APLF: variants seen among roughly 807,000 people sequenced by gnomAD.
APLF encodes the protein aprataxin and PNK-like factor.
APLF carries 61 observed loss-of-function variants against 55.6 expected under a neutral mutation model. That is an observed-to-expected ratio of 1.10 (90% CI 0.89 to 1.36). APLF has a LOEUF of 1.36. APLF is among the 40% of genes most tolerant of loss of function. The pLI is 0.00. For synonymous variants in APLF, 207 were observed against 214.8 expected (o/e 0.96, Z 0.32); for missense variants, 611 against 602.5 (o/e 1.01, Z -0.15).
In APLF at chr2:68,545,313, G is replaced by A. The variant is rs780241325; in HGVS notation, c.1286+1G>A. Reference sequence around the variant, plus strand: ...GTCCCTATGGACCATCCTGTTATAGGTATAGAAACTGAATGTTTGGCTGCA... The same window carrying A: ...GTCCCTATGGACCATCCTGTTATAGATATAGAAACTGAATGTTTGGCTGCA... On this transcript the variant is annotated splice_donor_variant, in intron 8 of 9. Transcript: ENST00000303795. LOFTEE classifies it high-confidence loss of function. 5.6e-6 allele frequency: 9 copies of A among 1,608,788 alleles called. No homozygotes were observed. In the East Asian group the frequency reaches 1.8e-4, roughly 32 times the overall value.
chr2:68,481,551 CTT>C (rs1675958067), intron 1 of APLF, among the ~76,000 whole-genome samples: 1 of 152,032 alleles, frequency 6.6e-6, no homozygotes, highest in African/African-American at 2.4e-5. Flanking sequence ...TTGTCTTTGA[CTT>C]TTGAAAATTT....
chr2:68,527,244 C>T (rs1193774669), intron 6 of APLF, among the ~76,000 whole-genome samples: 5 of 149,002 alleles, frequency 3.4e-5, no homozygotes, highest in African/African-American at 9.9e-5. Context: ...CTTCTCATTT[C>T]CCAGACGGTG....
At chr2:68,543,727 A>T (rs1056784785) in intron 7 of APLF, among the ~76,000 whole-genome samples, 3 of 152,168 alleles carry the variant, frequency 2.0e-5, no homozygotes, top group Admixed American at 6.5e-5. Flanking sequence ...TTATAATACC[A>T]TCATCAAATG....
chr2:68,476,223 C>T (rs1321559831), intron 1 of APLF, among the ~76,000 whole-genome samples: 4 of 151,936 alleles, frequency 2.6e-5, no homozygotes, highest in Admixed American at 6.6e-5. Context: ...GTAGGACTTT[C>T]GCCTGTAATC....
chr2:68,499,515 G>C (rs142461871), intron 2 of APLF, among the ~76,000 whole-genome samples: 1 of 152,138 alleles, frequency 6.6e-6, no homozygotes, highest in African/African-American at 2.4e-5. Context: ...AAATATTACA[G>C]GTCCAATTCA....
intron 6 of APLF, chr2:68,535,330 A>G (rs759979459): frequency 1.1e-4 from 49 of 437,006 alleles, no homozygotes; most frequent in Middle Eastern, 3.3e-4. Flanking sequence ...GAAGTAAATA[A>G]TGAAAACCTC....
rs1573225867 is a variant in APLF, at chr2:68,529,263, G to A, written c.804+3021G>A. 2 of 1,321,528 alleles carry A rather than the reference G, an allele frequency of 1.5e-6. No individual in the cohort carries two copies. Among genetic ancestry groups the A allele is most frequent in the Non-Finnish European group, 2.0e-6 (2 of 1,003,398 alleles). The allele number at this position is 1,321,528 out of a possible 1,614,324, so 81.9% of individuals were successfully genotyped here. Reference sequence around the variant, plus strand: ...ATAAGGGTGCCGTCCCACCTGCCTGGAAAAGAAGGCCCAAGATGTCGCTGA... The same window carrying A: ...ATAAGGGTGCCGTCCCACCTGCCTGAAAAAGAAGGCCCAAGATGTCGCTGA... On this transcript the variant is annotated intron_variant, in intron 6 of 9. Transcript: ENST00000303795. This position sits in a 1 kb window ranked among gnomAD's most constrained non-coding sequence, Gnocchi z 4.4.
At chr2:68,508,801 C>T (rs1278595871) in intron 3 of APLF, among the ~76,000 whole-genome samples, 2 of 152,066 alleles carry the variant, frequency 1.3e-5, no homozygotes, top group African/African-American at 2.4e-5. Flanking sequence ...GGAGGCATCA[C>T]TCTACCTGAC....
intron 8 of APLF, among the ~76,000 whole-genome samples, chr2:68,548,164 G>T (rs544075257): frequency 4.0e-5 from 6 of 151,494 alleles, no homozygotes; most frequent in East Asian, 1.9e-4. Context: ...TAAATATAAG[G>T]GAATTGTTTC....
At chr2:68,557,497 A>G (rs149742844) in intron 8 of APLF, among the ~76,000 whole-genome samples, 17 of 152,374 alleles carry the variant, frequency 1.1e-4, no homozygotes, top group African/African-American at 3.8e-4. Context: ...GTTGTTTAGT[A>G]TAAATCCAGA....
At chr2:68,509,661 G>C (rs187836199) in intron 3 of APLF, among the ~76,000 whole-genome samples, 8 of 152,082 alleles carry the variant, frequency 5.3e-5, no homozygotes, top group East Asian at 1.9e-4. Context: ...ACAATGTGGC[G>C]ATTCCTCAGG....
Position 68,578,163 on chromosome 2 carries a change from T to C in APLF, c.*141T>C. 2 of 1,420,028 alleles carry C rather than the reference T, an allele frequency of 1.4e-6. No homozygotes were observed. The highest frequency in any genetic ancestry group is 1.8e-6 in the Non-Finnish European group (2 of 1,090,198). 88.0% of individuals were successfully genotyped at this position (1,420,028 alleles called of 1,614,324 possible). ...ACTTTTACTACTGACTCTTTACAAA[T>C]GAGACATTGAAACGTCAGCCTTCAG... is the stretch of plus-strand genomic sequence containing the variant. On this transcript the variant is annotated 3_prime_UTR_variant, in exon 10 of 10. Transcript: ENST00000303795.
intron 5 of APLF, among the ~76,000 whole-genome samples, chr2:68,524,308 G>A (rs988669898): frequency 6.6e-6 from 1 of 152,186 alleles, no homozygotes; most frequent in African/African-American, 2.4e-5. Context: ...TTATGCCTAA[G>A]TTTGATAATA....
Position 68,578,068 on chromosome 2 carries a change from T to C in APLF, c.*46T>C. The C allele has an allele frequency of 1.3e-6, 2 of 1,572,354 alleles. No individual in the cohort carries two copies. The highest frequency in any genetic ancestry group is 1.7e-6 in the Non-Finnish European group (2 of 1,160,724). On this transcript the variant is annotated 3_prime_UTR_variant, in exon 10 of 10. Coordinates refer to ENST00000303795, the MANE Select transcript of APLF (RefSeq NM_173545.3). ...ATCTGCCTTACATTTACTTTTTCTT[T>C]GTGGGAAAACATTTATGAACTAAGG...
chr2:68,490,303 A>AC (rs754586288), intron 2 of APLF, 42 bp downstream of exon 2: 9 of 1,552,660 alleles, frequency 5.8e-6, no homozygotes, highest in Non-Finnish European at 6.2e-6. Context: ...TTCATCTCTT[A>AC]CCCTTTCAGT....
chr2:68,555,797 T>G (rs1339649867), intron 8 of APLF, among the ~76,000 whole-genome samples: 1 of 152,100 alleles, frequency 6.6e-6, no homozygotes, highest in South Asian at 2.1e-4. Context: ...AGTGTGGAGA[T>G]TCCTTAAACA....
At chr2:68,517,974 A>C (rs1411772457) in intron 5 of APLF, among the ~76,000 whole-genome samples, 2 of 138,316 alleles carry the variant, frequency 1.4e-5, no homozygotes, top group African/African-American at 2.8e-5. Flanking sequence ...AATATATAAC[A>C]GTAATATATC....
chr2:68,518,366 T>G (rs1485459453), intron 5 of APLF, among the ~76,000 whole-genome samples: 3 of 111,214 alleles, frequency 2.7e-5, no homozygotes, highest in African/African-American at 7.9e-5. Context: ...AGCAATATAT[T>G]AATATATGAC....
intron 8 of APLF, among the ~76,000 whole-genome samples, chr2:68,564,693 G>T (rs1671252313): frequency 6.6e-6 from 1 of 152,072 alleles, no homozygotes; most frequent in Non-Finnish European, 1.5e-5. Flanking sequence ...CAGACAGCGT[G>T]CAGGGAGGTG....
Sources: allele counts gnomAD v4.1 joint callset (sites outside exome capture counted in the v4.1 genomes callset), GRCh38; gene constraint gnomAD v4.1.1; non-coding constraint Gnocchi (gnomAD v3.1); transcripts MANE v1.5; gene names NCBI Gene and HGNC (gene_info 2026-07-23, HGNC 2026-07-21).